The following ANHX variants were observed in gnomAD, a reference collection of about 807,000 sequenced individuals.
The protein encoded by ANHX is anomalous homeobox.
ANHX carries 20 observed loss-of-function variants against 38.9 expected under a neutral mutation model. The observed-to-expected ratio is 0.51, with a 90% confidence interval of 0.36 to 0.75. The LOEUF is 0.75. ANHX is among the 30% of genes least tolerant of loss of function. ANHX has a pLI of 0.00. For missense variants in ANHX, 475 were observed against 493.1 expected (o/e 0.96, Z 0.35); for synonymous variants, 185 against 203.1 (o/e 0.91, Z 0.76).
intron 2 of ANHX, among the ~76,000 whole-genome samples, chr12:133,232,188 T>C (rs151293480): frequency 0.16 from 24,091 of 152,176 alleles, 2,450 homozygotes; most frequent in Non-Finnish European, 0.22. Context: ...CAATCTAAGG[T>C]GAGGGGGATG....
rs867772815 is a variant in ANHX at position 133,226,382 on chromosome 12, C to T, written c.775G>A (p.Glu259Lys). 2 of 1,536,232 alleles carry T rather than the reference C, an allele frequency of 1.3e-6. No homozygotes were observed. Among genetic ancestry groups the T allele is most frequent in the Admixed American group, 3.9e-5 (2 of 51,004 alleles). ...AAGTCCGGGGCTAAGGCCAGTGGCTCCCATGGTCCTTGGGTGGTCTGTGGG... is the reference window on the plus strand; with the variant it reads ...AAGTCCGGGGCTAAGGCCAGTGGCTTCCATGGTCCTTGGGTGGTCTGTGGG... Reference protein sequence around the residue: ...QSPQTTQGPWEPLALAPDFPA... With the variant: ...QSPQTTQGPWKPLALAPDFPA... The change falls in exon 6 of 10, where the codon GAG becomes AAG. Residue 259 changes from glutamate (E) to lysine (K), a missense_variant. Glu to Lys is a moderately conservative substitution (Grantham distance 56). Transcript: ENST00000545940.
chr12:133,226,167 T>C, intron 6 of ANHX, 151 bp downstream of exon 6: 1 of 1,279,184 alleles, frequency 7.8e-7, no homozygotes, highest in South Asian at 1.4e-5. Context: ...CGTGGGCTCC[T>C]TGCTGGTGGC....
At chr12:133,233,462 C>A (rs1278183263) in intron 2 of ANHX, among the ~76,000 whole-genome samples, 2 of 152,130 alleles carry the variant, frequency 1.3e-5, no homozygotes, top group Non-Finnish European at 2.9e-5. Flanking sequence ...CTTTGGGCCA[C>A]GTTTTCTGTG....
intron 3 of ANHX, 113 bp from the exon 4 acceptor site, chr12:133,228,060 G>A (rs1957214224): frequency 7.9e-7 from 1 of 1,263,304 alleles, no homozygotes; most frequent in Admixed American, 2.5e-5. Context: ...GCCTCCTCCT[G>A]GGGGATGCCT....
In ANHX at chr12:133,234,349, C is replaced by T. The variant is rs182378009; in HGVS notation, c.8G>A (p.Ser3Asn). ...ATGCTCCTTCAGCAGAGTCAGGAAG[C>T]TCTGCATCCTGTGCTGGGTCGTGGC... MQSFLTLLKEHED... is the reference protein window; with the variant it reads MQNFLTLLKEHED... Residue 3 changes from serine to asparagine, a missense_variant, in exon 2 of 10, where the codon AGC becomes AAC. By Grantham distance (46) the Ser-to-Asn change is conservative. Coordinates refer to ENST00000545940, the MANE Select transcript of ANHX (RefSeq NM_001372060.1). 8.9e-3 allele frequency: 13,680 copies of T among 1,535,292 alleles called. 70 individuals are homozygous for T. Among genetic ancestry groups the T allele is most frequent in the Non-Finnish European group, 0.01 (11,790 of 1,146,254 alleles).
rs950180437 is a variant in ANHX, at chr12:133,219,263, T to G, written c.1365+20A>C. 9.2e-6 allele frequency: 14 copies of G among 1,526,996 alleles called. No individual in the cohort carries two copies. The highest frequency in any genetic ancestry group is 1.2e-5 in the Non-Finnish European group (14 of 1,139,970). The allele number at this position is 1,526,996 out of a possible 1,614,324, so 94.6% of individuals were successfully genotyped here. A position where few individuals can be genotyped will look rare whatever the true frequency, so the allele number is the denominator to read the frequency against. ...CAGGAGTAAAGAGGGAATCCTTCAG[T>G]GCTCATAGGGAAGCCTCACCTGGCT... On this transcript the variant is annotated intron_variant, in intron 9 of 9. Coordinates refer to ENST00000545940, the MANE Select transcript of ANHX (RefSeq NM_001372060.1).
At chr12:133,226,829 T>A in intron 5 of ANHX, 107 bp downstream of exon 5, 1 of 1,096,238 alleles carries the variant, frequency 9.1e-7, no homozygotes, top group Non-Finnish European at 1.3e-6. Context: ...TGGAACCTAC[T>A]GATTGGAGGA....
chr12:133,231,459 T>A (rs1566410402), intron 3 of ANHX, 58 bp downstream of exon 3: 1 of 1,531,060 alleles, frequency 6.5e-7, no homozygotes. Context: ...CTTTGCATGG[T>A]ACATCTAATC....
intron 1 of ANHX, chr12:133,234,863 C>G (rs1296035708): frequency 6.3e-6 from 1 of 159,602 alleles, no homozygotes; most frequent in Non-Finnish European, 1.4e-5. Flanking sequence ...TCTAACGGTG[C>G]CTCACCTAAG....
intron 1 of ANHX, 81 bp from the exon 2 acceptor site, chr12:133,234,459 A>T: frequency 6.9e-7 from 1 of 1,446,842 alleles, no homozygotes; most frequent in East Asian, 2.5e-5. Context: ...CACTCTGCAA[A>T]GCAGGTGATG....
intron 8 of ANHX, among the ~76,000 whole-genome samples, chr12:133,220,318 G>A (rs543812907): frequency 2.7e-4 from 41 of 152,310 alleles, no homozygotes; most frequent in African/African-American, 8.7e-4. Context: ...GCAAGAGAAG[G>A]GGTCGAGATG....
In ANHX at chr12:133,221,647, G is replaced by A. The variant is rs913893901; in HGVS notation, c.1133-295C>T. Reference sequence around the variant, plus strand: ...TCATGTGCCCTCGGTGCCAGTCAGAGTCTGCAGCTTGCTCCGTCCTGCTGG... The same window carrying A: ...TCATGTGCCCTCGGTGCCAGTCAGAATCTGCAGCTTGCTCCGTCCTGCTGG... On this transcript the variant is annotated intron_variant, in intron 7 of 9. Coordinates refer to ENST00000545940, the MANE Select transcript of ANHX (RefSeq NM_001372060.1). The surrounding 1 kb of genome is among the most constrained non-coding windows in gnomAD (Gnocchi z 4.1). 6.6e-6 allele frequency among the ~76,000 whole-genome samples: 1 copy of A among 152,162 alleles called. No individual in the cohort carries two copies. The highest frequency in any genetic ancestry group is 1.5e-5 in the Non-Finnish European group (1 of 68,022).
At chr12:133,233,681 G>A (rs1301158911) in intron 2 of ANHX, among the ~76,000 whole-genome samples, 2 of 152,228 alleles carry the variant, frequency 1.3e-5, no homozygotes, top group Non-Finnish European at 2.9e-5. Flanking sequence ...CGTTGAGGTT[G>A]AAGGTACCAG....
rs1027607813 is a variant in ANHX at position 133,234,157 on chromosome 12, C to A, written c.200G>T (p.Arg67Leu). 6.5e-7 allele frequency: 1 copy of A among 1,536,110 alleles called. No individual in the cohort carries two copies. Among genetic ancestry groups the A allele is most frequent in the Admixed American group, 2.0e-5 (1 of 51,012 alleles). Residue 67 changes from arginine (R) to leucine (L), a missense_variant, in exon 2 of 10, where the codon CGT (arginine) becomes CTT (leucine). Coordinates refer to ENST00000545940, the MANE Select transcript of ANHX (RefSeq NM_001372060.1). ...CTGCTGCTCCTGCTGGTCCAGGACACGGGCGCACGCCAGGGCCACATCTGC... is the reference window on the plus strand; with the variant it reads ...CTGCTGCTCCTGCTGGTCCAGGACAAGGGCGCACGCCAGGGCCACATCTGC... Reference protein sequence around the residue: ...DNADVALACARVLDQQEQQQA... With the variant: ...DNADVALACALVLDQQEQQQA...
intron 3 of ANHX, among the ~76,000 whole-genome samples, chr12:133,228,469 G>A (rs1430414569): frequency 6.6e-6 from 1 of 152,096 alleles, no homozygotes; most frequent in Non-Finnish European, 1.5e-5. Context: ...TGAGTCCTCT[G>A]AGGCTTGCAG....
chr12:133,227,281 C>G lies in ANHX; in HGVS notation c.502-129G>C, dbSNP rs866750393. 6.9e-5 allele frequency: 69 copies of G among 1,002,708 alleles called. No individual in the cohort carries two copies. In the African/African-American group the frequency reaches 9.6e-4, roughly 14 times the overall value. 62.1% of individuals were successfully genotyped at this position (1,002,708 alleles called of 1,614,324 possible). On this transcript the variant is annotated intron_variant, in intron 4 of 9. Coordinates refer to ENST00000545940, the MANE Select transcript of ANHX (RefSeq NM_001372060.1). ...CAGCCCAGCCTAACCTCTCCAAGGACAGCAGAGAGCGGTGAGCATGAGCAG... is the reference window on the plus strand; with the variant it reads ...CAGCCCAGCCTAACCTCTCCAAGGAGAGCAGAGAGCGGTGAGCATGAGCAG...
chr12:133,225,996 AC>A (rs1957183851), intron 6 of ANHX, among the ~76,000 whole-genome samples, 168 bp from the exon 7 acceptor site: 1 of 151,458 alleles, frequency 6.6e-6, no homozygotes, highest in Admixed American at 6.6e-5. Flanking sequence ...CTAGAAACAA[AC>A]CACAGGGACA....
chr12:133,231,065 C>T (rs1352737696), intron 3 of ANHX, among the ~76,000 whole-genome samples: 1 of 152,220 alleles, frequency 6.6e-6, no homozygotes, highest in Non-Finnish European at 1.5e-5. Context: ...GGCCTTGCAA[C>T]CCCTCAGTGG....
At chr12:133,230,875 A>G (rs948900102) in intron 3 of ANHX, among the ~76,000 whole-genome samples, 1 of 152,042 alleles carries the variant, frequency 6.6e-6, no homozygotes, top group Non-Finnish European at 1.5e-5. Flanking sequence ...TTCCTCATCC[A>G]TAAGTGGTGA....
Sources: allele counts gnomAD v4.1 joint callset (sites outside exome capture counted in the v4.1 genomes callset), GRCh38; gene constraint gnomAD v4.1.1; non-coding constraint Gnocchi (gnomAD v3.1); transcripts MANE v1.5; gene names NCBI Gene and HGNC (gene_info 2026-07-23, HGNC 2026-07-21).